PHF8: variants seen among roughly 807,000 people sequenced by gnomAD.
PHF8 encodes PHD finger protein 8, also known as histone lysine demethylase PHF8.
A neutral mutation model predicts 74.4 loss-of-function variants in PHF8; 9 were observed. The observed-to-expected ratio is 0.12, with a 90% CI of 0.07 to 0.21. PHF8 has a LOEUF of 0.21. Among genes scored for constraint, PHF8 ranks in the 10% least tolerant of loss-of-function variants. The probability of loss-of-function intolerance (pLI) is 1.00; values close to 1 mark genes in which losing one functional copy is unlikely to be tolerated. For missense variants in PHF8, 478 were observed against 816.6 expected, an observed-to-expected ratio of 0.59 and a Z score of 5.05; for synonymous variants, 311 against 316.6, an observed-to-expected ratio of 0.98 and a Z score of 0.19.
intron 12 of PHF8, 47 bp from the exon 13 acceptor site, chrX:53,993,950 T>C (rs1557102174): frequency 1.0e-6 from 1 of 953,560 alleles, no homozygotes; most frequent in African/African-American, 1.9e-5. Context: ...ACTCAAGGGT[T>C]CTCTCAACAC....
chrX:53,987,517 C>G (rs1031564589), intron 15 of PHF8, among the ~76,000 whole-genome samples: 1 of 111,719 alleles, frequency 9.0e-6, no homozygotes, highest in Non-Finnish European at 1.9e-5. Flanking sequence ...CGAGACCAGC[C>G]TGATGAACAT....
chrX:54,022,224 G>A (rs1266428289), intron 4 of PHF8, 35 bp downstream of exon 4: 4 of 835,171 alleles, frequency 4.8e-6, no homozygotes, highest in Admixed American at 4.4e-5. Flanking sequence ...CCAGAGCCCT[G>A]GCATTCACCA....
At chrX:53,981,175 C>A (rs1272109168) in intron 18 of PHF8, among the ~76,000 whole-genome samples, 2 of 112,671 alleles carry the variant, frequency 1.8e-5, no homozygotes, top group Non-Finnish European at 3.7e-5. Flanking sequence ...GATCACGCCA[C>A]TTCATTCCAC....
At chrX:54,046,246 G>A (rs963377651), upstream of PHF8, among the ~76,000 whole-genome samples, 1 of 110,941 alleles carries the variant, frequency 9.0e-6, no homozygotes, top group Non-Finnish European at 1.9e-5. Context: ...GGTTTAATGG[G>A]ACCTGAAGCT....
intron 8 of PHF8, among the ~76,000 whole-genome samples, chrX:54,006,246 C>T (rs1360037452): frequency 9.0e-6 from 1 of 111,582 alleles, no homozygotes; most frequent in Non-Finnish European, 1.9e-5. Context: ...CTTTAGGAAG[C>T]CGAGGTGGGT....
rs1557116915 is a variant in PHF8, at chrX:54,044,418, C to A, written c.-749G>T. ...TAAACAGCTACCATGTTGAGAGTGG[C>A]GGCGCTACCCAGACAACCAAGGCGA... is the stretch of plus-strand genomic sequence containing the variant. On this transcript the variant is annotated 5_prime_UTR_variant, in exon 1 of 22. Coordinates refer to ENST00000338154, the MANE Select transcript of PHF8 (RefSeq NM_015107.3). 32 of 752,340 alleles carry A rather than the reference C, an allele frequency of 4.3e-5. No individual in the cohort carries two copies. The highest frequency in any genetic ancestry group is 4.7e-5 in the Non-Finnish European group (30 of 638,001). The allele number at this position is 752,340 out of a possible 1,213,427, so 62.0% of individuals were successfully genotyped here.
chrX:54,028,954 A>G (rs2066311756), intron 2 of PHF8, among the ~76,000 whole-genome samples: 1 of 112,378 alleles, frequency 8.9e-6, no homozygotes, highest in South Asian at 3.7e-4. Flanking sequence ...CCTCATTGTA[A>G]GATGGGGATA....
At chrX:53,990,350 T>C (rs2065638418) in intron 14 of PHF8, among the ~76,000 whole-genome samples, 1 of 111,208 alleles carries the variant, frequency 9.0e-6, no homozygotes, top group South Asian at 3.8e-4. Flanking sequence ...TCTGTAAATA[T>C]TTCTATACTT....
intron 11 of PHF8, among the ~76,000 whole-genome samples, chrX:53,995,993 A>T (rs2149842566): frequency 9.0e-6 from 1 of 111,672 alleles, no homozygotes; most frequent in South Asian, 3.7e-4. Context: ...CTTAAAATGG[A>T]TCATAGACCT....
At chrX:53,947,512 T>C (rs2064849464) in intron 19 of PHF8, among the ~76,000 whole-genome samples, 1 of 112,209 alleles carries the variant, frequency 8.9e-6, no homozygotes, top group Non-Finnish European at 1.9e-5. Context: ...GAAGCAAATT[T>C]ACCAAAAGTT....
chrX:53,940,646 T>C, intron 20 of PHF8, 130 bp from the exon 21 acceptor site: 1 of 509,746 alleles, frequency 2.0e-6, no homozygotes, highest in Non-Finnish European at 3.5e-6. Context: ...GCACCAAGTC[T>C]AGCCTGGATG....
chrX:53,950,515 T>C (rs1340735374), intron 19 of PHF8, among the ~76,000 whole-genome samples: 1 of 112,418 alleles, frequency 8.9e-6, no homozygotes, highest in Non-Finnish European at 1.9e-5. Context: ...CTGTCTGACT[T>C]TGAGGTGCTA....
chrX:54,045,914 A>G (rs1391172587), upstream of PHF8, among the ~76,000 whole-genome samples: 1 of 105,459 alleles, frequency 9.5e-6, no homozygotes, highest in Non-Finnish European at 1.9e-5. Context: ...GCTTAGTCTC[A>G]TATTTGTGAC....
chrX:54,042,559 T>C, intron 2 of PHF8, 72 bp downstream of exon 2: 1 of 929,864 alleles, frequency 1.1e-6, no homozygotes, highest in Non-Finnish European at 1.5e-6. Context: ...AAAACAGAGC[T>C]GAGAAAGGAA....
At chrX:53,986,716 T>C (rs1259647253) in intron 16 of PHF8, among the ~76,000 whole-genome samples, 1 of 111,388 alleles carries the variant, frequency 9.0e-6, no homozygotes, top group Non-Finnish European at 1.9e-5. Context: ...AAAGATCGCT[T>C]GAGCCCAGGA....
At chrX:54,036,793 G>A (rs1175777191) in intron 2 of PHF8, among the ~76,000 whole-genome samples, 1 of 107,724 alleles carries the variant, frequency 9.3e-6, no homozygotes, top group Non-Finnish European at 1.9e-5. Context: ...GAGGTCAGGA[G>A]TTCGAGACTA....
intron 2 of PHF8, among the ~76,000 whole-genome samples, chrX:54,024,351 G>A (rs931090912): frequency 1.7e-4 from 19 of 111,873 alleles, no homozygotes; most frequent in Non-Finnish European, 3.4e-4. Context: ...AGTCCAGTCC[G>A]GACCTCACCT....
At chrX:53,997,627 A>G (rs1215084034) in intron 11 of PHF8, among the ~76,000 whole-genome samples, 2 of 111,179 alleles carry the variant, frequency 1.8e-5, no homozygotes, top group Non-Finnish European at 3.8e-5. Flanking sequence ...GCTTCTCAGA[A>G]CTGTGTTCTA....
intron 21 of PHF8, 67 bp downstream of exon 21, chrX:53,940,113 G>C: frequency 1.1e-6 from 1 of 878,222 alleles, no homozygotes; most frequent in Non-Finnish European, 1.6e-6. Flanking sequence ...TCATCTACTA[G>C]AGCACTTAGG....
Sources: gnomAD v4.1 joint callset for allele counts (sites outside exome capture counted in the v4.1 genomes callset) on GRCh38, gnomAD v4.1.1 for gene constraint, MANE v1.5 for transcripts, NCBI Gene and HGNC (gene_info 2026-07-23, HGNC 2026-07-21) for gene names.